SLIRP: variants seen among roughly 807,000 people sequenced by gnomAD.
The protein encoded by SLIRP is SRA stem-loop interacting RNA binding protein.
Under a neutral mutation model 13.4 loss-of-function variants are expected in SLIRP, and 12 were observed. The ratio of observed to expected loss-of-function variants is 0.89; its 90% CI spans 0.57 to 1.45. The LOEUF is 1.45. SLIRP is among the 40% of genes most tolerant of loss of function. The probability of loss-of-function intolerance (pLI) is 0.00; values close to 1 mark genes in which losing one functional copy is unlikely to be tolerated. For synonymous variants in SLIRP, 55 were observed against 47.1 expected, an observed-to-expected ratio of 1.17 and a Z score of -0.69; for missense variants, 154 against 132.2, an observed-to-expected ratio of 1.17 and a Z score of -0.81.
chr14:77,710,446 C>T (rs1077843), intron 1 of SLIRP: 1 of 588,740 alleles, frequency 1.7e-6, no homozygotes, highest in Non-Finnish European at 2.8e-6. Context: ...ACACATTTTA[C>T]TAAATTGTGA....
chr14:77,712,621 T>G (rs957188283), intron 2 of SLIRP, among the ~76,000 whole-genome samples: 11 of 152,070 alleles, frequency 7.2e-5, no homozygotes, highest in Non-Finnish European at 5.9e-5. Context: ...ATTTTTTGTA[T>G]TTTTAGTAGA....
chr14:77,714,005 G>C (rs2080458529), intron 2 of SLIRP, among the ~76,000 whole-genome samples: 1 of 149,010 alleles, frequency 6.7e-6, no homozygotes, highest in Non-Finnish European at 1.5e-5. Context: ...TTGTACTCTA[G>C]TTGGAAATCC....
chr14:77,717,347 G>A (rs2080494068), intron 3 of SLIRP, 149 bp from the exon 4 acceptor site: 1 of 688,874 alleles, frequency 1.5e-6, no homozygotes, highest in African/African-American at 1.8e-5. Flanking sequence ...ATGGTAAAAG[G>A]AATTTGAGGA....
intron 1 of SLIRP, among the ~76,000 whole-genome samples, chr14:77,709,105 C>T (rs576410337): frequency 2.8e-4 from 43 of 152,272 alleles, no homozygotes; most frequent in Admixed American, 6.5e-4. Flanking sequence ...GTTATTTTCA[C>T]GGTAACTAAA....
rs764243743 is a variant in SLIRP at position 77,715,872 on chromosome 14, G to C, written c.257G>C (p.Gly86Ala). ...CAACAGGAAAATCATATTATAGATG[G>C]AGTAAAGGTAAATTTATTTCTATGC... ...ALQQENHIID[G>A]VKVQVHTRRP... The change falls in exon 3 of 4, where the codon GGA becomes GCA. Residue 86 changes from glycine (G) to alanine (A), a missense_variant. Transcript: ENST00000557342. 1 of 1,611,544 alleles carries C rather than the reference G, an allele frequency of 6.2e-7. No homozygotes were observed. Among genetic ancestry groups the C allele is most frequent in the Non-Finnish European group, 8.5e-7 (1 of 1,177,798 alleles).
At position 77,712,960 on chromosome 14, in the gene SLIRP, G is replaced by A. The variant is rs1259978793; in HGVS notation, c.156+2064G>A. On this transcript the variant is annotated intron_variant, in intron 2 of 3. Transcript: ENST00000557342. ...TCTTATACAGAACATAATCACAGGA[G>A]TGACATCCCATTACTTTCGCTGTAT... is the stretch of plus-strand genomic sequence containing the variant. Among the ~76,000 whole-genome samples, 4 of 149,380 alleles carry A rather than the reference G, an allele frequency of 2.7e-5. 1 individual carries two copies. The South Asian group carries it at 8.4e-4, about 32-fold the overall frequency.
chr14:77,715,520 C>G (rs1226828841), intron 2 of SLIRP, among the ~76,000 whole-genome samples: 1 of 152,046 alleles, frequency 6.6e-6, no homozygotes, highest in Non-Finnish European at 1.5e-5. Context: ...TGGTATGTAC[C>G]TGTGATCCCA....
intron 1 of SLIRP, 200 bp from the exon 2 acceptor site, chr14:77,710,638 T>A (rs2080432629): frequency 2.0e-6 from 3 of 1,524,830 alleles, no homozygotes; most frequent in Non-Finnish European, 2.6e-6. Context: ...ACTCAACAAC[T>A]TCTCTGTCCA....
At chr14:77,712,146 G>T (rs2080445352) in intron 2 of SLIRP, 1 of 152,084 alleles carries the variant, frequency 6.6e-6, no homozygotes, top group Non-Finnish European at 1.5e-5. Context: ...AGTTTAGCTG[G>T]GTCCTCTCCT....
rs2080434619 is a variant in SLIRP at position 77,710,887 on chromosome 14, T to G, written c.147T>G (p.Ile49Met). 1 of 1,614,072 alleles carries G rather than the reference T, an allele frequency of 6.2e-7. No individual in the cohort carries two copies. The highest frequency in any genetic ancestry group is 8.5e-7 in the Non-Finnish European group (1 of 1,180,010). ...AGTTCGGCCATGTCAGAAGGTGCAT[T>G]TTACCTTTTGTAAGTATTAAGGAAA... ...FAQFGHVRRC[I>M]LPFDKETGFH... Residue 49 changes from isoleucine to methionine, a missense_variant, in exon 2 of 4, where the codon ATT becomes ATG. Physicochemically the swap from Ile to Met is conservative, Grantham distance 10 (BLOSUM62 1). Transcript: ENST00000557342.
intron 1 of SLIRP, 164 bp from the exon 2 acceptor site, chr14:77,710,674 T>G: frequency 3.9e-6 from 6 of 1,548,952 alleles, no homozygotes; most frequent in South Asian, 2.3e-5. Flanking sequence ...TGGTACATTA[T>G]GGCTTTATAG....
chr14:77,716,598 C>T (rs1280308710), intron 3 of SLIRP, among the ~76,000 whole-genome samples: 3 of 141,358 alleles, frequency 2.1e-5, no homozygotes, highest in East Asian at 4.4e-4. Flanking sequence ...ACTAAAATCG[C>T]GCCATTGCAC....
At chr14:77,717,094 G>A (rs2080491209) in intron 3 of SLIRP, among the ~76,000 whole-genome samples, 2 of 152,120 alleles carry the variant, frequency 1.3e-5, no homozygotes, top group African/African-American at 4.8e-5. Context: ...CAGGCAAGCT[G>A]GGGCTGAAAT....
Position 77,710,988 on chromosome 14 carries a change from G to A in SLIRP, c.156+92G>A, listed in dbSNP as rs1566821404. 3 of 1,008,222 alleles carry A rather than the reference G, an allele frequency of 3.0e-6. No individual in the cohort carries two copies. In the African/African-American group the frequency reaches 4.8e-5, roughly 16 times the overall value. The allele number at this position is 1,008,222 out of a possible 1,614,324, so 62.5% of individuals were successfully genotyped here. On this transcript the variant is annotated intron_variant, in intron 2 of 3. Transcript: ENST00000557342. Reference sequence around the variant, plus strand: ...TAAGACCTATTTGATAGTACAACAGGGTGACTATGGTCAATAATAATTGTA... The same window carrying A: ...TAAGACCTATTTGATAGTACAACAGAGTGACTATGGTCAATAATAATTGTA...
In SLIRP at chr14:77,708,140, C is replaced by A; in HGVS notation, c.29C>A (p.Ala10Glu). MAASAARGA[A>E]ALRRSINQPV... ...GCGGCCTCAGCAGCGAGAGGTGCTG[C>A]GGCGCTGCGTAGAAGTATCAATCAG... Residue 10 changes from alanine to glutamate, a missense_variant, in exon 1 of 4, where the codon GCG becomes GAG. By Grantham distance (107) the Ala-to-Glu change is moderately radical (BLOSUM62 -1). Coordinates refer to ENST00000557342, the MANE Select transcript of SLIRP (RefSeq NM_031210.6). The A allele has an allele frequency of 2.5e-6, 4 of 1,613,962 alleles. No individual in the cohort carries two copies. Among genetic ancestry groups the A allele is most frequent in the Non-Finnish European group, 3.4e-6 (4 of 1,179,864 alleles).
At chr14:77,717,016 C>T (rs986898571) in intron 3 of SLIRP, among the ~76,000 whole-genome samples, 5 of 152,306 alleles carry the variant, frequency 3.3e-5, no homozygotes, top group East Asian at 1.9e-4. Context: ...CCGCCCACCT[C>T]GGCCTCCCAA....
At chr14:77,717,016 C>G (rs986898571) in intron 3 of SLIRP, among the ~76,000 whole-genome samples, 3 of 152,188 alleles carry the variant, frequency 2.0e-5, no homozygotes, top group African/African-American at 7.2e-5. Flanking sequence ...CCGCCCACCT[C>G]GGCCTCCCAA....
At chr14:77,716,499 A>G (rs1211205695) in intron 3 of SLIRP, 3 of 151,278 alleles carry the variant, frequency 2.0e-5, no homozygotes, top group Admixed American at 6.6e-5. Flanking sequence ...AATACAAAAA[A>G]AATTAGATGG....
rs759168658 is a variant in SLIRP at position 77,717,594 on chromosome 14, G to C, written c.*33G>C. ...GCCTATTAATAAAGTTAACATAACT[G>C]AGAATTTTGTCTAAATGTTTTTATT... On this transcript the variant is annotated 3_prime_UTR_variant, in exon 4 of 4. Transcript: ENST00000557342. 1 of 1,564,196 alleles carries C rather than the reference G, an allele frequency of 6.4e-7. No individual in the cohort carries two copies. Among genetic ancestry groups the C allele is most frequent in the Non-Finnish European group, 8.8e-7 (1 of 1,139,566 alleles).
Sources: gnomAD v4.1 joint callset for allele counts (sites outside exome capture counted in the v4.1 genomes callset) on GRCh38, gnomAD v4.1.1 for gene constraint, MANE v1.5 for transcripts, NCBI Gene and HGNC (gene_info 2026-07-23, HGNC 2026-07-21) for gene names.